The following KIF1C variants were observed in gnomAD, a reference collection of about 807,000 sequenced individuals.
KIF1C encodes kinesin family member 1C, also known as kinesin-like protein KIF1C.
In KIF1C, 61 loss-of-function variants were observed where a neutral mutation model predicts 126.5. The ratio of observed to expected loss-of-function variants is 0.48; its 90% CI spans 0.39 to 0.60. KIF1C has a LOEUF of 0.60. Ranked by LOEUF, KIF1C falls within the 20% of genes least tolerant of loss-of-function variation. The pLI is 0.00. For synonymous variants in KIF1C, 640 were observed against 580.6 expected, an observed-to-expected ratio of 1.10 and a Z score of -1.47; for missense variants, 1,315 against 1,489.2, an observed-to-expected ratio of 0.88 and a Z score of 1.93.
intron 1 of KIF1C, among the ~76,000 whole-genome samples, 198 bp from the exon 2 acceptor site, chr17:4,999,652 A>G (rs1225331453): frequency 1.3e-5 from 2 of 152,022 alleles, no homozygotes; most frequent in African/African-American, 4.8e-5. Flanking sequence ...CTGAACGTTC[A>G]GTACATTTGC....
intron 21 of KIF1C, among the ~76,000 whole-genome samples, chr17:5,021,437 A>C (rs889742426): frequency 3.3e-5 from 5 of 151,928 alleles, no homozygotes; most frequent in African/African-American, 1.2e-4. Flanking sequence ...CAGCCTCCCA[A>C]AATGCTGGGA....
At chr17:5,011,817 G>A (rs1974872298) in intron 16 of KIF1C, 1 of 152,310 alleles carries the variant, frequency 6.6e-6, no homozygotes, top group African/African-American at 2.4e-5. Context: ...TCTGTACCCT[G>A]TGCTTTCTGC....
rs540945645 is a variant in KIF1C at position 5,022,452 on chromosome 17, G to A, written c.2371G>A (p.Gly791Ser). 12 of 1,584,140 alleles carry A rather than the reference G, an allele frequency of 7.6e-6. No individual in the cohort carries two copies. The highest frequency in any genetic ancestry group is 1.7e-4 in the Middle Eastern group (1 of 6,028). The change falls in exon 22 of 23, where the codon GGC becomes AGC. Residue 791 changes from glycine to serine, a missense_variant. Gly to Ser is a moderately conservative substitution (Grantham distance 56). Around this residue, in one of 2 missense-constraint regions of KIF1C, gnomAD observed 874 missense variants for 1,053.2 expected, o/e 0.83. Transcript: ENST00000320785. This position sits in a 1 kb window ranked among gnomAD's most constrained non-coding sequence, Gnocchi z 4.9. ...ELCRTYGKPD[G>S]PGDAWRAVAR... Reference sequence around the variant, plus strand: ...GTGTCGCACCTATGGCAAGCCAGACGGCCCCGGAGACGCCTGGAGGGCTGT... The same window carrying A: ...GTGTCGCACCTATGGCAAGCCAGACAGCCCCGGAGACGCCTGGAGGGCTGT...
Position 5,020,154 on chromosome 17 carries a change from GTGCA to G in KIF1C, c.1750+77_1750+80del. ...GAAGTCTCAAGGGAGGTCCTTCTGG[GTGCA>G]TCCTAGAGGAGGACCCTGAAATACA... On this transcript the variant is annotated intron_variant, in intron 19 of 22. Coordinates refer to ENST00000320785, the MANE Select transcript of KIF1C (RefSeq NM_006612.6). The surrounding 1 kb of genome is among the most constrained non-coding windows in gnomAD (Gnocchi z 5.8). 9.0e-7 allele frequency: 1 copy of G among 1,114,868 alleles called. No individual in the cohort carries two copies. Among genetic ancestry groups the G allele is most frequent in the Non-Finnish European group, 1.3e-6 (1 of 747,962 alleles). The allele number at this position is 1,114,868 out of a possible 1,614,324, so 69.1% of individuals were successfully genotyped here. A position where few individuals can be genotyped will look rare whatever the true frequency, so the allele number is the denominator to read the frequency against.
chr17:5,017,212 T>G (rs1022415795), intron 18 of KIF1C, among the ~76,000 whole-genome samples: 1 of 151,364 alleles, frequency 6.6e-6, no homozygotes, highest in East Asian at 1.9e-4. Context: ...AAGACTGACA[T>G]AGGTCACAGT....
intron 1 of KIF1C, among the ~76,000 whole-genome samples, chr17:4,998,821 C>A (rs1422946058): frequency 6.6e-6 from 1 of 152,184 alleles, no homozygotes; most frequent in Non-Finnish European, 1.5e-5. Context: ...CATCCCTTAT[C>A]CTTCGTGGTC....
Position 5,022,360 on chromosome 17 carries a change from C to T in KIF1C, c.2279C>T (p.Ala760Val), listed in dbSNP as rs1318684253. The change falls in exon 22 of 23, where the codon GCC becomes GTC. Residue 760 changes from alanine (A) to valine (V), a missense_variant. Coordinates refer to ENST00000320785, the MANE Select transcript of KIF1C (RefSeq NM_006612.6). This position sits in a 1 kb window ranked among gnomAD's most constrained non-coding sequence, Gnocchi z 4.9. ...QAVKEICYEV[A>V]LADFRHGRAE... is the part of the protein sequence containing the mutation. The stretch of plus-strand genomic sequence containing the variant: ...GTGAAGGAGATCTGCTACGAGGTGG[C>T]CCTGGCTGACTTCCGCCACGGGCGG... 7.6e-6 allele frequency: 12 copies of T among 1,589,032 alleles called. No individual in the cohort carries two copies. The highest frequency in any genetic ancestry group is 1.1e-5 in the South Asian group (1 of 88,422).
At position 5,023,722 on chromosome 17, in the gene KIF1C, G is replaced by A. The variant is rs779772092; in HGVS notation, c.2883G>A (p.Gly961=). 4 of 1,542,232 alleles carry A rather than the reference G, an allele frequency of 2.6e-6. No homozygotes were observed. The highest frequency in any genetic ancestry group is 1.2e-5 in the South Asian group (1 of 80,230). The part of the protein sequence containing the change: ...GLQGSGGRGG[G]LRRPPARFVP... ...AGGGCTCTGGGGGCCGGGGCGGGGG[G>A]CTGCGCAGGCCCCCAGCCCGCTTTG... is the stretch of plus-strand genomic sequence containing the variant. The change falls in exon 23 of 23, where the codon GGG becomes GGA. Residue 961 remains glycine, a synonymous_variant. Coordinates refer to ENST00000320785, the MANE Select transcript of KIF1C (RefSeq NM_006612.6). The surrounding 1 kb of genome is among the most constrained non-coding windows in gnomAD (Gnocchi z 4.2).
intron 11 of KIF1C, 77 bp from the exon 12 acceptor site, chr17:5,004,490 G>C: frequency 3.7e-6 from 5 of 1,364,464 alleles, no homozygotes; most frequent in South Asian, 3.6e-5. Context: ...TGGGCAGTGG[G>C]CCCCAGCCCT....
chr17:5,013,977 T>C (rs1368205485), intron 17 of KIF1C, among the ~76,000 whole-genome samples: 1 of 152,010 alleles, frequency 6.6e-6, no homozygotes, highest in African/African-American at 2.4e-5. Context: ...GGCAGGAGAG[T>C]TGGGAAACAT....
Position 5,000,262 on chromosome 17 carries a change from G to C in KIF1C, c.16G>C (p.Val6Leu), listed in dbSNP as rs773227449. Residue 6 changes from valine to leucine, a missense_variant, in exon 3 of 23, where the codon GTG becomes CTG. Physicochemically the swap from Val to Leu is conservative, Grantham distance 32. Transcript: ENST00000320785. MAGAS[V>L]KVAVRVRPFN... ...GTCTGGAGCTATGGCTGGTGCCTCGGTGAAAGTGGCAGTGAGGGTTCGGCC... is the reference window on the plus strand; with the variant it reads ...GTCTGGAGCTATGGCTGGTGCCTCGCTGAAAGTGGCAGTGAGGGTTCGGCC... 6.3e-7 allele frequency: 1 copy of C among 1,576,020 alleles called. No homozygotes were observed. The highest frequency in any genetic ancestry group is 8.6e-7 in the Non-Finnish European group (1 of 1,162,036).
At chr17:5,004,721 C>G in intron 12 of KIF1C, 76 bp downstream of exon 12, 3 of 1,581,058 alleles carry the variant, frequency 1.9e-6, no homozygotes, top group Non-Finnish European at 2.6e-6. Flanking sequence ...TTGCTCAGGA[C>G]CCTGCTCGTG....
In KIF1C at chr17:5,024,159, A is replaced by G. The variant is rs768395730; in HGVS notation, c.*8A>G. The G allele has an allele frequency of 2.2e-5, 35 of 1,593,138 alleles. No individual in the cohort carries two copies. Among genetic ancestry groups the G allele is most frequent in the Non-Finnish European group, 2.6e-5 (30 of 1,170,004 alleles). ...AGTGGGGCAGCTGTGTGAGTCCCAC[A>G]TCCTGGGCAGAGGGCCTGGTGGGGC... On this transcript the variant is annotated 3_prime_UTR_variant, in exon 23 of 23. Coordinates refer to ENST00000320785, the MANE Select transcript of KIF1C (RefSeq NM_006612.6).
chr17:5,000,874 C>A (rs1974572204), intron 4 of KIF1C, 26 bp downstream of exon 4: 6 of 1,602,088 alleles, frequency 3.7e-6, no homozygotes, highest in South Asian at 1.1e-5. Context: ...GGGGGAAGAG[C>A]AAGGCAGTGA....
intron 16 of KIF1C, chr17:5,012,002 C>T (rs1446242624): frequency 6.6e-6 from 1 of 152,212 alleles, no homozygotes; most frequent in Non-Finnish European, 1.5e-5. Flanking sequence ...TCCCAGAACA[C>T]AGTGGCACTC....
rs960319977 is a variant in KIF1C, at chr17:5,026,717, C to G, written c.*2566C>G. ...CTGTGAAGGCACCACAGCACTCTGGCCTGGGCAAGAGTGGGACTCTCTCAA... is the reference window on the plus strand; with the variant it reads ...CTGTGAAGGCACCACAGCACTCTGGGCTGGGCAAGAGTGGGACTCTCTCAA... On this transcript the variant is annotated 3_prime_UTR_variant, in exon 23 of 23. Transcript: ENST00000320785. The G allele has an allele frequency of 7.1e-6, 1 of 140,464 alleles. No homozygotes were observed. Among genetic ancestry groups the G allele is most frequent in the East Asian group, 2.1e-4 (1 of 4,660 alleles). 8.7% of individuals were successfully genotyped at this position (140,464 alleles called of 1,614,324 possible).
chr17:4,997,999 C>T lies in KIF1C; in HGVS notation c.-306C>T, dbSNP rs190076115. On this transcript the variant is annotated 5_prime_UTR_variant, in exon 1 of 23. Coordinates refer to ENST00000320785, the MANE Select transcript of KIF1C (RefSeq NM_006612.6). Reference sequence around the variant, plus strand: ...CGGCCGCTGGCGCCGCTACTGCTGCCGCCCCCGGGGCGCGAGTCCGCCGCC... The same window carrying T: ...CGGCCGCTGGCGCCGCTACTGCTGCTGCCCCCGGGGCGCGAGTCCGCCGCC... 1 of 148,334 alleles carries T rather than the reference C, an allele frequency of 6.7e-6. No individual in the cohort carries two copies. Among genetic ancestry groups the T allele is most frequent in the Non-Finnish European group, 1.5e-5 (1 of 66,686 alleles). The allele number at this position is 148,334 out of a possible 1,614,324, so 9.2% of individuals were successfully genotyped here. A position where few individuals can be genotyped will look rare whatever the true frequency, so the allele number is the denominator to read the frequency against.
intron 5 of KIF1C, 144 bp downstream of exon 5, chr17:5,001,545 C>T (rs1567719575): frequency 1.1e-5 from 9 of 813,964 alleles, no homozygotes; most frequent in Non-Finnish European, 1.5e-5. Flanking sequence ...TGACTGCAAG[C>T]TGGACAACCC....
At chr17:5,011,981 A>C (rs984891859) in intron 16 of KIF1C, 2 of 152,180 alleles carry the variant, frequency 1.3e-5, no homozygotes, top group African/African-American at 4.8e-5. Context: ...TCCTCTTTGC[A>C]TGTGAGTCCC....
Sources: gnomAD v4.1 joint callset for allele counts (sites outside exome capture counted in the v4.1 genomes callset) on GRCh38, gnomAD v4.1.1 for gene constraint, gnomAD v4.1.1 regional missense constraint, Gnocchi (gnomAD v3.1) non-coding constraint, MANE v1.5 for transcripts, NCBI Gene and HGNC (gene_info 2026-07-23, HGNC 2026-07-21) for gene names.